The following IGF2R variants were observed in gnomAD, a reference collection of about 807,000 sequenced individuals.
IGF2R encodes cation-independent mannose-6-phosphate receptor.
IGF2R carries 91 observed loss-of-function variants against 270.6 expected under a neutral mutation model. The observed-to-expected ratio is 0.34, with a 90% CI of 0.28 to 0.40. The LOEUF (loss-of-function observed/expected upper bound fraction) is 0.40. Among genes scored for constraint, IGF2R ranks in the 10% least tolerant of loss-of-function variants. The probability of loss-of-function intolerance (pLI) is 1.00; values close to 1 mark genes in which losing one functional copy is unlikely to be tolerated. For synonymous variants in IGF2R, 1,316 were observed against 1,258.9 expected (o/e 1.05, Z -0.96); for missense variants, 2,805 against 3,188.3 (o/e 0.88, Z 2.90).
chr6:159,988,519 A>C (rs894299659), intron 1 of IGF2R, among the ~76,000 whole-genome samples: 40 of 151,476 alleles, frequency 2.6e-4, no homozygotes, highest in Non-Finnish European at 5.2e-4. Context: ...TCTCAAAAAA[A>C]AAAAAAAAAA....
rs560725687 is a variant in IGF2R, at chr6:160,050,907, C to G, written c.2694+255C>G. On this transcript the variant is annotated intron_variant, in intron 19 of 47. Transcript: ENST00000356956. The surrounding 1 kb of genome is among the most constrained non-coding windows in gnomAD (Gnocchi z 4.0). ...GAGGCTCTGGTGACATACACTGTTT[C>G]CTGGATTTTTTTTCTGAGTCGTACA... Among the ~76,000 whole-genome samples the G allele has an allele frequency of 6.6e-6, 1 of 152,258 alleles. No homozygotes were observed. Among genetic ancestry groups the G allele is most frequent in the East Asian group, 1.9e-4 (1 of 5,190 alleles).
intron 13 of IGF2R, among the ~76,000 whole-genome samples, chr6:160,044,877 T>C (rs1778034537): frequency 6.6e-6 from 1 of 152,168 alleles, no homozygotes. Flanking sequence ...AACCAGATGG[T>C]GTCAGAAGGG....
intron 1 of IGF2R, among the ~76,000 whole-genome samples, chr6:159,971,503 ACAAATCTGC>A (rs1278457301): frequency 1.3e-5 from 2 of 152,234 alleles, no homozygotes; most frequent in Non-Finnish European, 2.9e-5. Flanking sequence ...TCTTAGGATG[ACAAATCTGC>A]CAATCATTTC....
chr6:160,063,185 C>T (rs1445900766), intron 26 of IGF2R, among the ~76,000 whole-genome samples: 1 of 151,748 alleles, frequency 6.6e-6, no homozygotes, highest in Admixed American at 6.6e-5. Flanking sequence ...CTACAGGGTG[C>T]CTGCCACCAT....
chr6:159,983,167 G>A (rs1486845553), intron 1 of IGF2R, among the ~76,000 whole-genome samples: 4 of 152,146 alleles, frequency 2.6e-5, no homozygotes, highest in Non-Finnish European at 5.9e-5. Context: ...CAGCTGTGTC[G>A]GCCTGGGGCT....
rs115209702 is a variant in IGF2R, at chr6:160,041,397, C to T, written c.1480+673C>T. On this transcript the variant is annotated intron_variant, in intron 11 of 47. Coordinates refer to ENST00000356956, the MANE Select transcript of IGF2R (RefSeq NM_000876.4). The stretch of plus-strand genomic sequence containing the variant: ...CCCAGAACAGTCACAGAACTGCTGG[C>T]GGTATGTTCTCGCTCGTAAGTGGGA... Among the ~76,000 whole-genome samples, 1,158 of 151,992 alleles carry T rather than the reference C, an allele frequency of 7.6e-3. 10 individuals carry two copies. Among genetic ancestry groups the T allele is most frequent in the African/African-American group, 0.027 (1,103 of 41,420 alleles).
intron 1 of IGF2R, among the ~76,000 whole-genome samples, chr6:159,985,005 A>G (rs929630248): frequency 2.0e-5 from 3 of 152,234 alleles, no homozygotes; most frequent in Non-Finnish European, 4.4e-5. Flanking sequence ...TCCTGGTTCC[A>G]GGCCTCTACT....
At chr6:159,980,192 AAAG>A (rs1783762779) in intron 1 of IGF2R, among the ~76,000 whole-genome samples, 2 of 46,688 alleles carry the variant, frequency 4.3e-5, no homozygotes, top group Non-Finnish European at 7.2e-5. Context: ...AAAAAGAAAG[AAAG>A]AAAGAAAGAA....
intron 37 of IGF2R, among the ~76,000 whole-genome samples, chr6:160,079,245 T>C (rs1334438537): frequency 1.3e-5 from 2 of 152,196 alleles, no homozygotes; most frequent in South Asian, 2.1e-4. Context: ...CAATGTCTTA[T>C]TACACAGGTG....
chr6:159,987,422 C>T (rs1179867002), intron 1 of IGF2R, among the ~76,000 whole-genome samples: 2 of 152,180 alleles, frequency 1.3e-5, no homozygotes, highest in African/African-American at 2.4e-5. Flanking sequence ...GACAGAGTCT[C>T]GCTGTGTTGC....
chr6:160,067,899 C>T (rs1264167967), intron 29 of IGF2R, among the ~76,000 whole-genome samples: 1 of 152,212 alleles, frequency 6.6e-6, no homozygotes, highest in African/African-American at 2.4e-5. Context: ...TGGCTGCTTA[C>T]CTTTGTCACC....
rs1276555327 is a variant in IGF2R at position 160,061,783 on chromosome 6, A to T, written c.3437A>T (p.Glu1146Val). Residue 1146 changes from glutamate (E) to valine (V), a missense_variant, in exon 25 of 48, where the codon GAA (glutamate) becomes GTA (valine). Physicochemically the swap from Glu to Val is moderately radical, Grantham distance 121. Transcript: ENST00000356956. ...GCAGTGGGGTCTTGCTTAGTGTCAGAAGGCAATAGCTGGAATCTGGGTGTG... is the reference window on the plus strand; with the variant it reads ...GCAGTGGGGTCTTGCTTAGTGTCAGTAGGCAATAGCTGGAATCTGGGTGTG... Reference protein sequence around the residue: ...GSAVGSCLVSEGNSWNLGVVQ... With the variant: ...GSAVGSCLVSVGNSWNLGVVQ... The T allele has an allele frequency of 1.2e-6, 2 of 1,614,156 alleles. No individual in the cohort carries two copies. Among genetic ancestry groups the T allele is most frequent in the Admixed American group, 1.7e-5 (1 of 60,016 alleles).
At chr6:160,044,425 T>C in intron 12 of IGF2R, 89 bp from the exon 13 acceptor site, 2 of 1,152,156 alleles carry the variant, frequency 1.7e-6, no homozygotes, top group Non-Finnish European at 1.2e-6. Context: ...TTTCTTTCTC[T>C]TTCTTTCTTT....
intron 35 of IGF2R, among the ~76,000 whole-genome samples, chr6:160,075,508 G>A (rs941463886): frequency 2.0e-5 from 3 of 152,162 alleles, no homozygotes; most frequent in Admixed American, 6.5e-5. Flanking sequence ...TTCAGGTTCC[G>A]GGCTTCCCTC....
chr6:159,972,312 A>G (rs1375658432), intron 1 of IGF2R, among the ~76,000 whole-genome samples: 2 of 152,204 alleles, frequency 1.3e-5, no homozygotes, highest in African/African-American at 4.8e-5. Context: ...AGGCAGTCCC[A>G]AATGTACAGA....
At chr6:160,056,575 C>A in intron 20 of IGF2R, 50 bp downstream of exon 20, 1 of 1,168,516 alleles carries the variant, frequency 8.6e-7, no homozygotes, top group Non-Finnish European at 1.3e-6. Context: ...GCTGGACATC[C>A]TCAACTCACC....
intron 43 of IGF2R, 78 bp downstream of exon 43, chr6:160,089,331 G>A (rs921970927): frequency 6.4e-5 from 85 of 1,324,892 alleles, no homozygotes; most frequent in Non-Finnish European, 8.8e-5. Flanking sequence ...CCCTATCGGG[G>A]AGCACTGCAG....
At position 160,105,055 on chromosome 6, in the gene IGF2R, G is replaced by A. The variant is rs370979732; in HGVS notation, c.7447G>A (p.Asp2483Asn). ...CACCAAGCTGGTGTCCTTCCATGAC[G>A]ACAGCGACGAGGACCTCTTACACAT... is the stretch of plus-strand genomic sequence containing the variant. ...SSTKLVSFHDDSDEDLLHI is the reference protein window; with the variant it reads ...SSTKLVSFHDNSDEDLLHI The change falls in exon 48 of 48, where the codon GAC (aspartate) becomes AAC (asparagine). Residue 2483 changes from aspartate (D) to asparagine (N), a missense_variant. Around this residue, in one of 2 missense-constraint regions of IGF2R, gnomAD observed 1,851 missense variants for 2,207.2 expected, o/e 0.84. Transcript: ENST00000356956. The A allele has an allele frequency of 1.9e-6, 3 of 1,602,768 alleles. No individual in the cohort carries two copies. Among genetic ancestry groups the A allele is most frequent in the African/African-American group, 1.3e-5 (1 of 74,702 alleles).
chr6:160,027,204 T>C lies in IGF2R; in HGVS notation c.666T>C (p.Gly222=). The stretch of plus-strand genomic sequence containing the variant: ...TTTCAGACACACTACGAGACCCAGG[T>C]TCACAGCTGCGGGCCTGTCCCCCCG... ...CRDIDTLRDP[G]SQLRACPPGT... The change falls in exon 6 of 48, where the codon GGT becomes GGC. Residue 222 remains glycine (G), a synonymous_variant. Coordinates refer to ENST00000356956, the MANE Select transcript of IGF2R (RefSeq NM_000876.4). The C allele has an allele frequency of 6.2e-7, 1 of 1,614,234 alleles. No individual in the cohort carries two copies.
Sources: gnomAD v4.1 joint callset for allele counts (sites outside exome capture counted in the v4.1 genomes callset) on GRCh38, gnomAD v4.1.1 for gene constraint, gnomAD v4.1.1 regional missense constraint, Gnocchi (gnomAD v3.1) non-coding constraint, MANE v1.5 for transcripts, NCBI Gene and HGNC (gene_info 2026-07-23, HGNC 2026-07-21) for gene names.